Variants in ADAMTSL1 observed in about 807,000 individuals in gnomAD.
ADAMTSL1 encodes the protein ADAMTS like 1.
Under a neutral mutation model 201.8 loss-of-function variants are expected in ADAMTSL1, and 126 were observed. That is an observed-to-expected ratio of 0.62 (90% CI 0.54 to 0.72). The LOEUF (loss-of-function observed/expected upper bound fraction) is 0.72, where lower values mean the gene tolerates loss of function less well. Among genes scored for constraint, ADAMTSL1 ranks in the 30% least tolerant of loss-of-function variants. The probability of loss-of-function intolerance (pLI) is 0.00; values close to 1 mark genes in which losing one functional copy is unlikely to be tolerated. For missense variants in ADAMTSL1, 2,679 were observed against 2,277.8 expected (o/e 1.18, Z -3.59); for synonymous variants, 1,121 against 903.4 (o/e 1.24, Z -4.32).
chr9:18,391,417 C>A (rs1469319490), intron 2 of ADAMTSL1, among the ~76,000 whole-genome samples: 4 of 152,026 alleles, frequency 2.6e-5, no homozygotes, highest in African/African-American at 9.7e-5. Flanking sequence ...TTGTACTAGA[C>A]AGGATGTTAC....
chr9:18,735,501 G>T (rs1818448920), intron 15 of ADAMTSL1, among the ~76,000 whole-genome samples: 1 of 152,160 alleles, frequency 6.6e-6, no homozygotes, highest in African/African-American at 2.4e-5. Flanking sequence ...GTCATTGGAA[G>T]ATTTGCTTAA....
chr9:18,139,827 G>T lies in ADAMTSL1; in HGVS notation c.88-24035G>T, dbSNP rs771116670. 7.2e-5 allele frequency among the ~76,000 whole-genome samples: 11 copies of T among 152,068 alleles called. No individual in the cohort carries two copies. In the East Asian group the frequency reaches 2.1e-3, roughly 30 times the overall value. ...GAAAATTTCAAATATATATCTTGTG[G>T]TTCATCCCCTAAATTAAAATATGAT... is the stretch of plus-strand genomic sequence containing the variant. On this transcript the variant is annotated intron_variant, in intron 1 of 29. Transcript: ENST00000680146.
chr9:18,897,429 A>G (rs1040020328), intron 26 of ADAMTSL1, among the ~76,000 whole-genome samples: 1 of 152,028 alleles, frequency 6.6e-6, no homozygotes, highest in African/African-American at 2.4e-5. Context: ...AGACCTCCCA[A>G]CAGGGGTCTC....
chr9:18,257,937 A>G (rs1831753768), intron 2 of ADAMTSL1, among the ~76,000 whole-genome samples: 2 of 152,212 alleles, frequency 1.3e-5, no homozygotes, highest in Non-Finnish European at 2.9e-5. Flanking sequence ...AGAAACGAGA[A>G]TTGAGATCTT....
chr9:18,848,126 C>T (rs1432991917), intron 23 of ADAMTSL1, among the ~76,000 whole-genome samples: 1 of 152,128 alleles, frequency 6.6e-6, no homozygotes, highest in African/African-American at 2.4e-5. Flanking sequence ...CTGCCTGGCC[C>T]TGAGCTTCTG....
intron 2 of ADAMTSL1, among the ~76,000 whole-genome samples, chr9:18,267,241 G>A (rs1436414388): frequency 6.6e-6 from 1 of 152,098 alleles, no homozygotes; most frequent in African/African-American, 2.4e-5. Flanking sequence ...TTTTTCAGAG[G>A]CAATATAGTC....
intron 15 of ADAMTSL1, among the ~76,000 whole-genome samples, chr9:18,734,955 A>G (rs2133505127): frequency 6.6e-6 from 1 of 152,296 alleles, no homozygotes; most frequent in African/African-American, 2.4e-5. Context: ...GGAAGCTGAT[A>G]GATTTTTGTC....
intron 23 of ADAMTSL1, among the ~76,000 whole-genome samples, chr9:18,851,849 G>C (rs1482418875): frequency 6.6e-6 from 1 of 152,170 alleles, no homozygotes; most frequent in Non-Finnish European, 1.5e-5. Context: ...CCACCATTTT[G>C]CCTCTTAGTG....
At chr9:18,256,285 A>G (rs1403227597) in intron 2 of ADAMTSL1, among the ~76,000 whole-genome samples, 1 of 152,204 alleles carries the variant, frequency 6.6e-6, no homozygotes, top group Non-Finnish European at 1.5e-5. Flanking sequence ...TTGTCTAAGC[A>G]TGAGAAGTTT....
intron 1 of ADAMTSL1, among the ~76,000 whole-genome samples, chr9:18,001,449 A>C (rs550089370): frequency 6.6e-6 from 1 of 152,152 alleles, no homozygotes; most frequent in African/African-American, 2.4e-5. Flanking sequence ...TCAGTGGGGA[A>C]GTCAGATGTA....
upstream of ADAMTSL1, among the ~76,000 whole-genome samples, chr9:18,472,839 T>C (rs1346382645): frequency 6.6e-6 from 1 of 152,240 alleles, no homozygotes; most frequent in African/African-American, 2.4e-5. Flanking sequence ...CCTATGGCAA[T>C]GTAAGGCCAG....
intron 18 of ADAMTSL1, 122 bp downstream of exon 18, chr9:18,776,018 A>G: frequency 7.7e-7 from 1 of 1,303,280 alleles, no homozygotes; most frequent in East Asian, 2.5e-5. Flanking sequence ...GTAGAACCCC[A>G]TGGAGGGCTG....
At chr9:17,981,856 T>C (rs1362049685) in intron 1 of ADAMTSL1, among the ~76,000 whole-genome samples, 1 of 152,140 alleles carries the variant, frequency 6.6e-6, no homozygotes, top group Non-Finnish European at 1.5e-5. Context: ...TAGTTTGGGG[T>C]TGCCCTTGTC....
chr9:18,611,705 G>A (rs1001136453), intron 4 of ADAMTSL1, among the ~76,000 whole-genome samples: 1 of 152,080 alleles, frequency 6.6e-6, no homozygotes, highest in Admixed American at 6.6e-5. Flanking sequence ...TTCAAGAAAG[G>A]CAATATAGGA....
intron 2 of ADAMTSL1, among the ~76,000 whole-genome samples, chr9:18,467,235 T>G (rs1012053355): frequency 6.6e-6 from 1 of 152,208 alleles, no homozygotes; most frequent in African/African-American, 2.4e-5. Flanking sequence ...GAGACCCATT[T>G]TGTGGGGGAA....
At chr9:18,788,876 T>A (rs1821862843) in intron 19 of ADAMTSL1, among the ~76,000 whole-genome samples, 1 of 152,166 alleles carries the variant, frequency 6.6e-6, no homozygotes, top group Non-Finnish European at 1.5e-5. Context: ...TGGCTTTTTT[T>A]TTTTTAGTGT....
chr9:18,204,541 T>G (rs934683053), intron 2 of ADAMTSL1, among the ~76,000 whole-genome samples: 4 of 152,172 alleles, frequency 2.6e-5, no homozygotes, highest in African/African-American at 9.7e-5. Flanking sequence ...AGATATAGTA[T>G]GCACTTGAGA....
At chr9:18,300,090 A>C (rs1245940641) in intron 2 of ADAMTSL1, among the ~76,000 whole-genome samples, 3 of 152,194 alleles carry the variant, frequency 2.0e-5, no homozygotes, top group Non-Finnish European at 4.4e-5. Context: ...ATACCATTTG[A>C]CTCAGCAATC....
chr9:17,922,514 C>T (rs1190862984), intron 1 of ADAMTSL1, among the ~76,000 whole-genome samples: 3 of 152,104 alleles, frequency 2.0e-5, no homozygotes, highest in African/African-American at 4.8e-5. Flanking sequence ...CGTTTATTAC[C>T]GGTACCCCCT....
Sources: allele counts gnomAD v4.1 joint callset (sites outside exome capture counted in the v4.1 genomes callset), GRCh38; gene constraint gnomAD v4.1.1; transcripts MANE v1.5; gene names NCBI Gene and HGNC (gene_info 2026-07-23, HGNC 2026-07-21).